PRKAR2A: variants seen among roughly 807,000 people sequenced by gnomAD.
PRKAR2A encodes the protein cAMP-dependent protein kinase type II-alpha regulatory subunit.
PRKAR2A carries 29 observed loss-of-function variants against 51.9 expected under a neutral mutation model. The ratio of observed to expected loss-of-function variants is 0.56; its 90% confidence interval spans 0.42 to 0.76. The LOEUF is 0.76. Among genes scored for constraint, PRKAR2A ranks in the 30% least tolerant of loss-of-function variants. The probability of loss-of-function intolerance (pLI) is 0.00; values close to 1 mark genes in which losing one functional copy is unlikely to be tolerated. For synonymous variants in PRKAR2A, 178 were observed against 186.2 expected (o/e 0.96, Z 0.36); for missense variants, 445 against 512.1 (o/e 0.87, Z 1.26).
intron 2 of PRKAR2A, among the ~76,000 whole-genome samples, chr3:48,799,462 T>G (rs1445671980): frequency 6.6e-6 from 1 of 152,154 alleles, no homozygotes. Flanking sequence ...ATATATGAAT[T>G]TGGGGGAAAC....
chr3:48,765,599 A>C (rs1304182341), intron 6 of PRKAR2A, among the ~76,000 whole-genome samples: 4 of 152,064 alleles, frequency 2.6e-5, no homozygotes, highest in Non-Finnish European at 4.4e-5. Context: ...AATAGAACCC[A>C]AAACAGAAAA....
chr3:48,781,181 T>C (rs2082190888), intron 5 of PRKAR2A, among the ~76,000 whole-genome samples: 1 of 150,436 alleles, frequency 6.6e-6, no homozygotes, highest in African/African-American at 2.5e-5. Context: ...AGCTGGGGTT[T>C]CACCATGTTG....
intron 5 of PRKAR2A, among the ~76,000 whole-genome samples, chr3:48,781,847 C>G (rs540715677): frequency 1.3e-5 from 2 of 151,596 alleles, no homozygotes; most frequent in African/African-American, 2.4e-5. Context: ...AGTTTCACCA[C>G]GTTGGCCAGG....
At chr3:48,770,191 C>G (rs1235753976) in intron 6 of PRKAR2A, among the ~76,000 whole-genome samples, 1 of 152,110 alleles carries the variant, frequency 6.6e-6, no homozygotes, top group African/African-American at 2.4e-5. Context: ...ATCAACATAG[C>G]CTTTGATGAG....
intron 1 of PRKAR2A, among the ~76,000 whole-genome samples, chr3:48,836,605 T>C (rs1411797800): frequency 6.6e-6 from 1 of 151,446 alleles, no homozygotes; most frequent in Non-Finnish European, 1.5e-5. Context: ...ATATGACACC[T>C]ATAGCACAAA....
At chr3:48,767,037 G>A (rs893785639) in intron 6 of PRKAR2A, among the ~76,000 whole-genome samples, 1 of 152,148 alleles carries the variant, frequency 6.6e-6, no homozygotes, top group Non-Finnish European at 1.5e-5. Flanking sequence ...TCTCAGATAT[G>A]TGTACACATG....
chr3:48,812,609 A>C (rs564499642), intron 1 of PRKAR2A, among the ~76,000 whole-genome samples: 6 of 151,532 alleles, frequency 4.0e-5, no homozygotes, highest in Non-Finnish European at 8.8e-5. Context: ...CAGCCTCCTG[A>C]GTAGCTGGGA....
chr3:48,782,944 C>G (rs778105179), intron 5 of PRKAR2A, 42 bp downstream of exon 5: 1 of 1,362,814 alleles, frequency 7.3e-7, no homozygotes, highest in East Asian at 2.3e-5. Context: ...GTCATGAATC[C>G]GATTAAGTGT....
At chr3:48,780,160 C>A (rs1320604351) in intron 5 of PRKAR2A, among the ~76,000 whole-genome samples, 1 of 149,856 alleles carries the variant, frequency 6.7e-6, no homozygotes, top group Non-Finnish European at 1.5e-5. Flanking sequence ...TCCGTACCCC[C>A]CCCAAAAAAA....
intron 1 of PRKAR2A, among the ~76,000 whole-genome samples, chr3:48,813,637 T>G (rs949976391): frequency 2.0e-5 from 3 of 152,054 alleles, no homozygotes; most frequent in Non-Finnish European, 4.4e-5. Context: ...GAGGTTGCAG[T>G]GAGCCGAGAT....
intron 1 of PRKAR2A, among the ~76,000 whole-genome samples, chr3:48,834,694 A>T (rs1266012054): frequency 6.6e-6 from 1 of 150,586 alleles, no homozygotes; most frequent in Non-Finnish European, 1.5e-5. Context: ...GCTGCACTCT[A>T]GCCTGGGCAA....
chr3:48,815,596 C>T (rs929703847), intron 1 of PRKAR2A, among the ~76,000 whole-genome samples: 2 of 147,860 alleles, frequency 1.4e-5, no homozygotes, highest in East Asian at 2.0e-4. Context: ...GGGAGGCTGA[C>T]GCAGGAGAAT....
chr3:48,838,869 A>G (rs967504357), intron 1 of PRKAR2A, among the ~76,000 whole-genome samples: 4 of 151,970 alleles, frequency 2.6e-5, no homozygotes, highest in African/African-American at 9.7e-5. Context: ...CTGTAGTCCC[A>G]GCTACTCGGG....
At chr3:48,809,758 G>A (rs1575913498) in intron 1 of PRKAR2A, among the ~76,000 whole-genome samples, 1 of 152,144 alleles carries the variant, frequency 6.6e-6, no homozygotes, top group East Asian at 1.9e-4. Flanking sequence ...TAAGGGTGCT[G>A]TCATAAATTC....
intron 1 of PRKAR2A, among the ~76,000 whole-genome samples, chr3:48,839,054 G>A (rs2083334127): frequency 6.6e-6 from 1 of 152,024 alleles, no homozygotes; most frequent in South Asian, 2.1e-4. Flanking sequence ...TTGGGAGGCC[G>A]AGGCAGACAG....
At chr3:48,796,953 C>T (rs923708768) in intron 2 of PRKAR2A, among the ~76,000 whole-genome samples, 4 of 151,752 alleles carry the variant, frequency 2.6e-5, no homozygotes, top group East Asian at 1.9e-4. Flanking sequence ...TTGTAGTGGA[C>T]CTTTCTAGTC....
chr3:48,791,424 A>G (rs2082383774), intron 3 of PRKAR2A, among the ~76,000 whole-genome samples: 5 of 137,922 alleles, frequency 3.6e-5, no homozygotes, highest in Admixed American at 7.4e-5. Context: ...GATAAACCCC[A>G]TCTCTACTAA....
intron 1 of PRKAR2A, among the ~76,000 whole-genome samples, chr3:48,811,031 T>C (rs1188456167): frequency 6.6e-6 from 1 of 151,810 alleles, no homozygotes; most frequent in Non-Finnish European, 1.5e-5. Context: ...ATTTAAAAAT[T>C]AGTCAGGCGA....
chr3:48,783,683 C>T (rs992578776), intron 4 of PRKAR2A, among the ~76,000 whole-genome samples: 1 of 152,146 alleles, frequency 6.6e-6, no homozygotes, highest in Non-Finnish European at 1.5e-5. Flanking sequence ...CGAGTTCAAG[C>T]GATTCTCCTG....
Sources: gnomAD v4.1 joint callset for allele counts (sites outside exome capture counted in the v4.1 genomes callset) on GRCh38, gnomAD v4.1.1 for gene constraint, MANE v1.5 for transcripts, NCBI Gene and HGNC (gene_info 2026-07-23, HGNC 2026-07-21) for gene names.